The following MPP3 variants were observed in gnomAD, a reference collection of about 807,000 sequenced individuals.
MPP3 encodes MAGUK p55 scaffold protein 3.
MPP3 carries 48 observed loss-of-function variants against 80.7 expected under a neutral mutation model. The observed-to-expected ratio is 0.59, with a 90% CI of 0.47 to 0.76. The LOEUF (loss-of-function observed/expected upper bound fraction) is 0.76. Ranked by LOEUF, MPP3 falls within the 30% of genes least tolerant of loss-of-function variation. MPP3 has a pLI of 0.00. For synonymous variants in MPP3, 311 were observed against 297.6 expected (o/e 1.04, Z -0.46); for missense variants, 620 against 763.0 (o/e 0.81, Z 2.21).
intron 12 of MPP3, 93 bp from the exon 13 acceptor site, chr17:43,816,790 A>G: frequency 2.5e-6 from 3 of 1,218,442 alleles, no homozygotes; most frequent in Non-Finnish European, 1.2e-6. Context: ...GTGCCTGAGG[A>G]GCCCGCCATC....
intron 19 of MPP3, among the ~76,000 whole-genome samples, chr17:43,806,458 T>G (rs1403917854): frequency 1.3e-5 from 2 of 148,854 alleles, no homozygotes; most frequent in Non-Finnish European, 3.0e-5. Flanking sequence ...GAGCCACCAC[T>G]CCCGGCCCCA....
chr17:43,803,084 T>C (rs192427637), intron 19 of MPP3, among the ~76,000 whole-genome samples: 452 of 152,262 alleles, frequency 3.0e-3, no homozygotes, highest in Non-Finnish European at 4.8e-3. Flanking sequence ...CTATATTCTA[T>C]ATAGAATATT....
intron 8 of MPP3, among the ~76,000 whole-genome samples, chr17:43,826,832 T>TATATATATATATATATATATATATATATA (rs1567824060): frequency 1.8e-5 from 2 of 110,740 alleles, no homozygotes; most frequent in African/African-American, 7.6e-5. Context: ...ATATATATAT[T>TATATATATATATATATATATATATATATA]TTTTTTTTTT....
intron 7 of MPP3, among the ~76,000 whole-genome samples, chr17:43,828,070 C>G: frequency 6.6e-6 from 1 of 152,218 alleles, no homozygotes; most frequent in Non-Finnish European, 1.5e-5. Flanking sequence ...GACTGGGGCT[C>G]AGAGAAGTTA....
rs554694229 is a variant in MPP3, at chr17:43,821,197, A to G, written c.685-139T>C. ...CCTTTCAAATAGAAAGCTACTTGGA[A>G]ATACACTGCACGTATGTTCTTAACT... is the stretch of plus-strand genomic sequence containing the variant. On this transcript the variant is annotated intron_variant, in intron 10 of 19. Transcript: ENST00000398389. 1.8e-4 allele frequency: 133 copies of G among 720,324 alleles called. No individual in the cohort carries two copies. In the African/African-American group the frequency reaches 2.1e-3, roughly 12 times the overall value. The allele number at this position is 720,324 out of a possible 1,614,324, so 44.6% of individuals were successfully genotyped here.
At chr17:43,806,137 C>T (rs751433868) in intron 19 of MPP3, among the ~76,000 whole-genome samples, 10 of 151,730 alleles carry the variant, frequency 6.6e-5, no homozygotes, top group Non-Finnish European at 1.5e-4. Flanking sequence ...TCAAATATTC[C>T]TCCAACACAT....
At position 43,826,830 on chromosome 17, in the gene MPP3, A is replaced by ATATT. The variant is rs1310143147; in HGVS notation, c.523+920_523+921insAATA. ...TCCATGACTATTTATATATATATAT[A>ATATT]TTTTTTTTTTTTTTCTTTTTTTTTT... On this transcript the variant is annotated intron_variant, in intron 8 of 19. Coordinates refer to ENST00000398389, the MANE Select transcript of MPP3 (RefSeq NM_001932.6). 5.7e-4 allele frequency among the ~76,000 whole-genome samples: 78 copies of ATATT among 137,670 alleles called. 1 individual carries two copies. The highest frequency in any genetic ancestry group is 3.8e-3 in the Middle Eastern group (1 of 266). 90.3% of individuals were successfully genotyped at this position (137,670 alleles called of 152,430 possible). A position where few individuals can be genotyped will look rare whatever the true frequency, so the allele number is the denominator to read the frequency against.
chr17:43,818,041 C>T lies in MPP3; in HGVS notation c.946+5G>A, dbSNP rs1474920106. ...CTGGAGTGCCATCCCTGACAATCTA[C>T]TCACAGGGGGGCTTCCTGAGGCTCT... On this transcript the variant is annotated splice_donor_5th_base_variant and intron_variant, in intron 12 of 19. Transcript: ENST00000398389. 1 of 1,581,468 alleles carries T rather than the reference C, an allele frequency of 6.3e-7. No homozygotes were observed. The highest frequency in any genetic ancestry group is 1.8e-5 in the Admixed American group (1 of 56,072).
intron 12 of MPP3, among the ~76,000 whole-genome samples, chr17:43,817,742 G>A (rs576808045): frequency 1.7e-4 from 26 of 152,226 alleles, no homozygotes; most frequent in Non-Finnish European, 2.4e-4. Context: ...GGAATCTAAC[G>A]AAAGCTGTGG....
At chr17:43,821,934 T>C (rs1237358718) in intron 10 of MPP3, among the ~76,000 whole-genome samples, 1 of 152,180 alleles carries the variant, frequency 6.6e-6, no homozygotes, top group Non-Finnish European at 1.5e-5. Context: ...CAGCCACAGA[T>C]GTTACCAGGG....
intron 19 of MPP3, among the ~76,000 whole-genome samples, chr17:43,802,222 C>T (rs1356123038): frequency 6.6e-6 from 1 of 152,156 alleles, no homozygotes; most frequent in Non-Finnish European, 1.5e-5. Context: ...CTCAGAAGTA[C>T]TTCCAAAGAA....
intron 19 of MPP3, among the ~76,000 whole-genome samples, chr17:43,808,590 A>G (rs527817593): frequency 5.3e-5 from 8 of 152,356 alleles, no homozygotes; most frequent in African/African-American, 1.9e-4. Context: ...TTGGGGTTTC[A>G]ATTTAAAATA....
At chr17:43,814,551 A>G (rs2045024599) in intron 14 of MPP3, 190 bp from the exon 15 acceptor site, 1 of 532,904 alleles carries the variant, frequency 1.9e-6, no homozygotes, top group African/African-American at 1.9e-5. Flanking sequence ...TGACCCCTGC[A>G]TTCACAAACT....
chr17:43,808,460 T>G (rs1242734781), intron 19 of MPP3, among the ~76,000 whole-genome samples: 1 of 152,230 alleles, frequency 6.6e-6, no homozygotes, highest in Non-Finnish European at 1.5e-5. Context: ...AAAGAATCTA[T>G]GACAGTGAAA....
intron 10 of MPP3, among the ~76,000 whole-genome samples, chr17:43,823,701 G>T (rs2045565607): frequency 6.6e-6 from 1 of 152,150 alleles, no homozygotes; most frequent in African/African-American, 2.4e-5. Flanking sequence ...AAATAACCTT[G>T]TCTTTTATTA....
chr17:43,809,945 G>A (rs1423823019), intron 18 of MPP3, among the ~76,000 whole-genome samples: 1 of 151,980 alleles, frequency 6.6e-6, no homozygotes, highest in Admixed American at 6.6e-5. Flanking sequence ...GGCTCCACTT[G>A]GAAACACTAG....
chr17:43,814,279 C>T lies in MPP3; in HGVS notation c.1092G>A (p.Glu364=). The change falls in exon 15 of 20, where the codon GAG becomes GAA. Residue 364 remains glutamate, a synonymous_variant. Coordinates refer to ENST00000398389, the MANE Select transcript of MPP3 (RefSeq NM_001932.6). ...SQEGKMSSGA[E]SPELLTYEEV... ...CTTCGTAAGTCAGCAGCTCCGGAGA[C>T]TCAGCTCCGGAGGACATCTTTCCTT... The T allele has an allele frequency of 6.2e-7, 1 of 1,612,914 alleles. No homozygotes were observed. The highest frequency in any genetic ancestry group is 8.5e-7 in the Non-Finnish European group (1 of 1,179,888).
At chr17:43,822,413 A>C (rs1284343460) in intron 10 of MPP3, among the ~76,000 whole-genome samples, 4 of 152,022 alleles carry the variant, frequency 2.6e-5, no homozygotes, top group Admixed American at 2.6e-4. Flanking sequence ...GCTTCCTTCC[A>C]TTCTCTGCTC....
chr17:43,821,645 C>T (rs1460839256), intron 10 of MPP3, among the ~76,000 whole-genome samples: 1 of 152,214 alleles, frequency 6.6e-6, no homozygotes, highest in Non-Finnish European at 1.5e-5. Context: ...CCCCTCTGCT[C>T]TAGAGTCACC....
Sources: gnomAD v4.1 joint callset for allele counts (sites outside exome capture counted in the v4.1 genomes callset) on GRCh38, gnomAD v4.1.1 for gene constraint, MANE v1.5 for transcripts, NCBI Gene and HGNC (gene_info 2026-07-23, HGNC 2026-07-21) for gene names.